SLC2A13: variants seen among roughly 807,000 people sequenced by gnomAD.
The protein encoded by SLC2A13 is proton myo-inositol cotransporter.
Under a neutral mutation model 64.4 loss-of-function variants are expected in SLC2A13, and 32 were observed. The observed-to-expected ratio is 0.50, with a 90% CI of 0.37 to 0.67. The LOEUF is 0.67. Among genes scored for constraint, SLC2A13 ranks in the 30% least tolerant of loss-of-function variants. The pLI, the probability that SLC2A13 is intolerant of heterozygous loss-of-function variation, is 0.00. For synonymous variants in SLC2A13, 338 were observed against 327.1 expected (o/e 1.03, Z -0.36); for missense variants, 743 against 829.2 (o/e 0.90, Z 1.28).
chr12:39,837,623 T>G (rs28786732), intron 6 of SLC2A13, among the ~76,000 whole-genome samples: 12,137 of 147,754 alleles, frequency 0.082, 649 homozygotes, highest in Non-Finnish European at 0.1. Flanking sequence ...GAATCTACAA[T>G]GAACTCCAAC....
rs1160934639 is a variant in SLC2A13, at chr12:39,789,818, T to G, written c.1446-24960A>C. ...AGCTTGAGCCCCCATTTCACATATTTATTGGCCATTTGGGTATCTGCTTTT... is the reference window on the plus strand; with the variant it reads ...AGCTTGAGCCCCCATTTCACATATTGATTGGCCATTTGGGTATCTGCTTTT... On this transcript the variant is annotated intron_variant, in intron 7 of 9. Transcript: ENST00000280871. Among the ~76,000 whole-genome samples the G allele has an allele frequency of 3.3e-5, 5 of 152,256 alleles. 1 individual carries two copies. Among genetic ancestry groups the G allele is most frequent in the Non-Finnish European group, 7.4e-5 (5 of 68,000 alleles).
intron 1 of SLC2A13, among the ~76,000 whole-genome samples, chr12:40,096,157 C>A (rs1166887890): frequency 6.6e-6 from 1 of 151,648 alleles, no homozygotes; most frequent in African/African-American, 2.4e-5. Context: ...TCTCGATCTC[C>A]TGACCTCATA....
At chr12:40,085,405 G>A (rs143101378) in intron 1 of SLC2A13, among the ~76,000 whole-genome samples, 2,179 of 152,280 alleles carry the variant, frequency 0.014, 29 homozygotes, top group Middle Eastern at 0.086. Flanking sequence ...ATTGGGGGTG[G>A]TGGCAGGTCT....
intron 2 of SLC2A13, among the ~76,000 whole-genome samples, chr12:40,041,499 T>C (rs1948089708): frequency 6.6e-6 from 1 of 152,200 alleles, no homozygotes; most frequent in African/African-American, 2.4e-5. Flanking sequence ...GGAGCTCCCA[T>C]TACACTATAT....
intron 4 of SLC2A13, among the ~76,000 whole-genome samples, chr12:39,916,201 A>G (rs1945518981): frequency 6.6e-6 from 1 of 151,922 alleles, no homozygotes; most frequent in Non-Finnish European, 1.5e-5. Context: ...TTTAAGTTCC[A>G]TGATGTCACA....
chr12:39,820,397 G>GAAT, intron 7 of SLC2A13, among the ~76,000 whole-genome samples: 1 of 152,122 alleles, frequency 6.6e-6, no homozygotes, highest in East Asian at 1.9e-4. Context: ...GATTGGCATT[G>GAAT]GTTCATGAAT....
At chr12:40,091,227 A>C (rs1342816082) in intron 1 of SLC2A13, among the ~76,000 whole-genome samples, 1 of 152,188 alleles carries the variant, frequency 6.6e-6, no homozygotes, top group East Asian at 1.9e-4. Context: ...CTCCACTGAA[A>C]TGTCATTATG....
At chr12:39,980,509 G>A (rs1271289873) in intron 3 of SLC2A13, among the ~76,000 whole-genome samples, 6 of 151,712 alleles carry the variant, frequency 4.0e-5, no homozygotes, top group Admixed American at 3.9e-4. Flanking sequence ...ACAAAAAAAG[G>A]CAGGGGTTGC....
chr12:39,960,861 T>C (rs1946400360), intron 3 of SLC2A13, among the ~76,000 whole-genome samples: 2 of 147,912 alleles, frequency 1.4e-5, no homozygotes, highest in African/African-American at 2.5e-5. Context: ...GATTCTCCTT[T>C]CTCGACCTCT....
At chr12:39,893,305 T>G (rs1265309335) in intron 4 of SLC2A13, among the ~76,000 whole-genome samples, 15 of 152,200 alleles carry the variant, frequency 9.9e-5, no homozygotes, top group Non-Finnish European at 2.2e-4. Flanking sequence ...TTATAGCTCT[T>G]TTCTTTTCTT....
At chr12:39,933,699 T>C (rs1945869170) in intron 4 of SLC2A13, among the ~76,000 whole-genome samples, 2 of 152,152 alleles carry the variant, frequency 1.3e-5, no homozygotes, top group African/African-American at 4.8e-5. Flanking sequence ...TGCTAAGACT[T>C]GCAAAAGAAA....
intron 7 of SLC2A13, among the ~76,000 whole-genome samples, chr12:39,818,096 C>A (rs1185967531): frequency 2.0e-5 from 3 of 152,174 alleles, no homozygotes; most frequent in African/African-American, 7.2e-5. Context: ...GCCAGAGAGC[C>A]CCCTTGGGCC....
At chr12:39,863,179 T>A (rs1032805819) in intron 6 of SLC2A13, among the ~76,000 whole-genome samples, 2 of 152,116 alleles carry the variant, frequency 1.3e-5, no homozygotes, top group Non-Finnish European at 2.9e-5. Flanking sequence ...TCTTACCTCA[T>A]TAAAATTGAA....
chr12:40,045,708 CTTATT>C (rs1203021791), intron 2 of SLC2A13, among the ~76,000 whole-genome samples: 4 of 152,036 alleles, frequency 2.6e-5, no homozygotes, highest in Non-Finnish European at 5.9e-5. Flanking sequence ...TTCCCATACT[CTTATT>C]TTATTTTTTC....
chr12:39,768,994 C>T (rs2135720427), intron 7 of SLC2A13, among the ~76,000 whole-genome samples: 1 of 152,142 alleles, frequency 6.6e-6, no homozygotes, highest in Admixed American at 6.5e-5. Context: ...TTTTGTCTGC[C>T]ATTTTTCACC....
At chr12:39,980,001 AGAGT>A (rs1270815794) in intron 3 of SLC2A13, among the ~76,000 whole-genome samples, 2 of 151,402 alleles carry the variant, frequency 1.3e-5, no homozygotes, top group African/African-American at 4.9e-5. Context: ...AAGCCAGAAG[AGAGT>A]GAGGGCCAAT....
intron 3 of SLC2A13, among the ~76,000 whole-genome samples, chr12:39,977,631 A>G (rs1946788078): frequency 1.3e-5 from 2 of 152,246 alleles, no homozygotes; most frequent in African/African-American, 4.8e-5. Flanking sequence ...AGCTCAAAAT[A>G]TAACTGAAAA....
At chr12:39,828,223 C>T (rs553553833) in intron 7 of SLC2A13, among the ~76,000 whole-genome samples, 30 of 152,180 alleles carry the variant, frequency 2.0e-4, no homozygotes, top group African/African-American at 5.3e-4. Flanking sequence ...GAAGGAGCAC[C>T]GTTGCTCAGC....
chr12:39,905,822 G>GGAA (rs71449497), intron 4 of SLC2A13, among the ~76,000 whole-genome samples: 3 of 145,402 alleles, frequency 2.1e-5, no homozygotes, highest in Non-Finnish European at 3.0e-5. Flanking sequence ...AAAATGCCCA[G>GGAA]AAAAAAAAAA....
Sources: gnomAD v4.1 joint callset for allele counts (sites outside exome capture counted in the v4.1 genomes callset) on GRCh38, gnomAD v4.1.1 for gene constraint, MANE v1.5 for transcripts, NCBI Gene and HGNC (gene_info 2026-07-23, HGNC 2026-07-21) for gene names.